The following PHACTR1 variants were observed in gnomAD, a reference collection of about 807,000 sequenced individuals.
The protein encoded by PHACTR1 is phosphatase and actin regulator 1.
In PHACTR1, 16 loss-of-function variants were observed where a neutral mutation model predicts 69.2. The ratio of observed to expected loss-of-function variants is 0.23; its 90% confidence interval spans 0.16 to 0.35. The LOEUF is 0.35. Among genes scored for constraint, PHACTR1 ranks in the 10% least tolerant of loss-of-function variants. PHACTR1 has a pLI of 1.00. For synonymous variants in PHACTR1, 312 were observed against 284.5 expected, an observed-to-expected ratio of 1.10 and a Z score of -0.97; for missense variants, 510 against 734.7, an observed-to-expected ratio of 0.69 and a Z score of 3.54.
intron 4 of PHACTR1, among the ~76,000 whole-genome samples, chr6:12,784,442 A>G (rs1771250576): frequency 6.6e-6 from 1 of 151,896 alleles, no homozygotes; most frequent in African/African-American, 2.4e-5. Flanking sequence ...ATACACACAT[A>G]TCTATACACA....
chr6:13,134,183 G>A (rs1821117477), intron 5 of PHACTR1, among the ~76,000 whole-genome samples: 1 of 151,142 alleles, frequency 6.6e-6, no homozygotes, highest in Admixed American at 6.6e-5. Context: ...CGCCCGGCCA[G>A]CCACCCCGTC....
At chr6:12,754,323 C>G (rs1767020948) in intron 4 of PHACTR1, among the ~76,000 whole-genome samples, 1 of 151,944 alleles carries the variant, frequency 6.6e-6, no homozygotes, top group South Asian at 2.1e-4. Context: ...GCTTCACCAA[C>G]CTAAAGGTTT....
In PHACTR1 at chr6:13,182,470, T is replaced by C. The variant is rs550219317; in HGVS notation, c.497-49T>C. 10 of 1,596,424 alleles carry C rather than the reference T, an allele frequency of 6.3e-6. No individual in the cohort carries two copies. In the African/African-American group the frequency reaches 1.2e-4, roughly 19 times the overall value. On this transcript the variant is annotated intron_variant, in intron 6 of 14. Transcript: ENST00000332995. ...GCAGGCGGGAAGTGCCACTCTTTCT[T>C]GAAAGGCAGACATTGTCTAACTCTG...
At chr6:13,019,266 G>A (rs1215218521) in intron 4 of PHACTR1, among the ~76,000 whole-genome samples, 1 of 152,040 alleles carries the variant, frequency 6.6e-6, no homozygotes. Context: ...ATATGCAAAA[G>A]TAGACATAAT....
At chr6:13,029,267 A>G (rs1477071005) in intron 4 of PHACTR1, among the ~76,000 whole-genome samples, 1 of 152,216 alleles carries the variant, frequency 6.6e-6, no homozygotes, top group Non-Finnish European at 1.5e-5. Context: ...TAAATTGTAG[A>G]CAGAAATGTC....
chr6:12,923,615 A>T (rs373068668), intron 4 of PHACTR1, among the ~76,000 whole-genome samples: 7 of 152,148 alleles, frequency 4.6e-5, no homozygotes, highest in Non-Finnish European at 7.4e-5. Context: ...ATCCTTGCCA[A>T]TTCTTTTTTT....
intron 4 of PHACTR1, among the ~76,000 whole-genome samples, chr6:12,909,722 G>A (rs923751217): frequency 2.4e-4 from 36 of 152,142 alleles, no homozygotes; most frequent in African/African-American, 8.4e-4. Context: ...TTTGAAACTG[G>A]ACCAATGCCT....
At chr6:12,884,403 T>A (rs1458157105) in intron 4 of PHACTR1, among the ~76,000 whole-genome samples, 8 of 137,768 alleles carry the variant, frequency 5.8e-5, no homozygotes, top group African/African-American at 2.2e-4. Context: ...GTTTACTGAA[T>A]TTTTTTTTTT....
intron 4 of PHACTR1, among the ~76,000 whole-genome samples, chr6:12,856,270 T>TTTA (rs1780353731): frequency 7.6e-6 from 1 of 131,916 alleles, no homozygotes; most frequent in African/African-American, 2.7e-5. Context: ...TTTTTTTTTC[T>TTTA]GAGACAGGAG....
intron 7 of PHACTR1, among the ~76,000 whole-genome samples, chr6:13,205,375 C>T (rs1025274113): frequency 2.0e-5 from 3 of 152,234 alleles, no homozygotes; most frequent in Non-Finnish European, 2.9e-5. Context: ...CACCTCCCGA[C>T]ATCCTTACAT....
In PHACTR1 at chr6:12,982,452, G is replaced by A. The variant is rs946138789; in HGVS notation, c.251-70913G>A. On this transcript the variant is annotated intron_variant, in intron 4 of 14. Coordinates refer to ENST00000332995, the MANE Select transcript of PHACTR1 (RefSeq NM_030948.6). ...TCCCAATACTTTGGGAGGCCAAGGC[G>A]GGTGGATCATGAAGTCAGGAGTTCA... 4.0e-4 allele frequency among the ~76,000 whole-genome samples: 61 copies of A among 152,322 alleles called. 1 individual carries two copies. Among genetic ancestry groups the A allele is most frequent in the African/African-American group, 1.3e-3 (54 of 41,578 alleles).
chr6:12,977,159 C>T (rs1271828309), intron 4 of PHACTR1, among the ~76,000 whole-genome samples: 4 of 152,112 alleles, frequency 2.6e-5, no homozygotes, highest in Admixed American at 6.5e-5. Flanking sequence ...ACCAAGTTGG[C>T]TAGGCTGGTC....
At chr6:12,970,359 C>T (rs1444787319) in intron 4 of PHACTR1, among the ~76,000 whole-genome samples, 1 of 152,204 alleles carries the variant, frequency 6.6e-6, no homozygotes, top group Non-Finnish European at 1.5e-5. Flanking sequence ...TTTATTCTGG[C>T]AGATGGATGC....
intron 4 of PHACTR1, among the ~76,000 whole-genome samples, chr6:12,778,863 T>G (rs1377029915): frequency 2.0e-5 from 3 of 152,224 alleles, no homozygotes; most frequent in Non-Finnish European, 2.9e-5. Context: ...TAACCTACAT[T>G]GTGCCTTTGT....
intron 4 of PHACTR1, among the ~76,000 whole-genome samples, chr6:12,916,538 CTGT>C (rs1787025668): frequency 8.7e-6 from 1 of 114,328 alleles, no homozygotes; most frequent in Admixed American, 9.9e-5. Context: ...AGGGCATGGA[CTGT>C]TTTTTTTTTT....
intron 4 of PHACTR1, among the ~76,000 whole-genome samples, chr6:12,896,148 C>T (rs1784645281): frequency 6.6e-6 from 1 of 152,252 alleles, no homozygotes; most frequent in South Asian, 2.1e-4. Context: ...ATGCCAATAC[C>T]ACAATGACTT....
intron 5 of PHACTR1, among the ~76,000 whole-genome samples, chr6:13,112,926 T>TC (rs1249389435): frequency 5.9e-5 from 9 of 152,194 alleles, no homozygotes; most frequent in African/African-American, 2.2e-4. Flanking sequence ...GTTTTTGGTG[T>TC]CTTCTTCATA....
chr6:12,753,700 T>TG (rs1296665885), intron 4 of PHACTR1, among the ~76,000 whole-genome samples: 7 of 152,180 alleles, frequency 4.6e-5, no homozygotes, highest in African/African-American at 1.7e-4. Flanking sequence ...TAGCTGTTTC[T>TG]GGCCTTCACT....
At chr6:12,753,862 G>A (rs370513982) in intron 4 of PHACTR1, among the ~76,000 whole-genome samples, 1 of 151,616 alleles carries the variant, frequency 6.6e-6, no homozygotes, top group Non-Finnish European at 1.5e-5. Context: ...CTAAATAATG[G>A]AGGCCCATGA....
Sources: gnomAD v4.1 joint callset for allele counts (sites outside exome capture counted in the v4.1 genomes callset) on GRCh38, gnomAD v4.1.1 for gene constraint, MANE v1.5 for transcripts, NCBI Gene and HGNC (gene_info 2026-07-23, HGNC 2026-07-21) for gene names.